Variants in GATA5 observed in about 807,000 individuals in gnomAD.
The protein encoded by GATA5 is GATA binding protein 5, also known as transcription factor GATA-5.
GATA5 carries 27 observed loss-of-function variants against 35.0 expected under a neutral mutation model. The ratio of observed to expected loss-of-function variants is 0.77; its 90% confidence interval spans 0.57 to 1.06. GATA5 has a LOEUF of 1.06. Among genes scored for constraint, GATA5 ranks in the 50% least tolerant of loss-of-function variants. GATA5 has a pLI of 0.00. For missense variants in GATA5, 612 were observed against 580.0 expected (o/e 1.06, Z -0.57); for synonymous variants, 306 against 267.8 (o/e 1.14, Z -1.39).
At position 62,470,461 on chromosome 20, in the gene GATA5, A is replaced by G. The variant is rs1408358941; in HGVS notation, c.699+2942T>C. On this transcript the variant is annotated intron_variant, in intron 3 of 6. Transcript: ENST00000252997. The surrounding 1 kb of genome is among the most constrained non-coding windows in gnomAD (Gnocchi z 4.6). ...TCCCCTCCTGGAGGGGGGATGTAGTAAGCACTTGATACAGTGCCCATGCCC... is the reference window on the plus strand; with the variant it reads ...TCCCCTCCTGGAGGGGGGATGTAGTGAGCACTTGATACAGTGCCCATGCCC... Among the ~76,000 whole-genome samples the G allele has an allele frequency of 6.6e-6, 1 of 152,154 alleles. No homozygotes were observed. The highest frequency in any genetic ancestry group is 6.5e-5 in the Admixed American group (1 of 15,294).
At position 62,470,666 on chromosome 20, in the gene GATA5, G is replaced by C. The variant is rs1989699212; in HGVS notation, c.699+2737C>G. Among the ~76,000 whole-genome samples the C allele has an allele frequency of 6.6e-6, 1 of 152,166 alleles. No individual in the cohort carries two copies. Among genetic ancestry groups the C allele is most frequent in the Non-Finnish European group, 1.5e-5 (1 of 68,026 alleles). ...GCTACTTCCTGGAGCTGGTGCCAGA[G>C]GTGGCTCAGGGCTAGGAGGTCTGCT... On this transcript the variant is annotated intron_variant, in intron 3 of 6. Transcript: ENST00000252997. The surrounding 1 kb of genome is among the most constrained non-coding windows in gnomAD (Gnocchi z 4.6).
Position 62,475,209 on chromosome 20 carries a change from C to T in GATA5, c.313G>A (p.Gly105Ser). The change falls in exon 2 of 7, where the codon GGC becomes AGC. Residue 105 changes from glycine (G) to serine (S), a missense_variant. Gly to Ser is a moderately conservative substitution (Grantham distance 56, BLOSUM62 0). Coordinates refer to ENST00000252997, the MANE Select transcript of GATA5 (RefSeq NM_080473.5). ...CCGTCTCGGCCCCCCGCGCTGCCGC[C>T]GCTGCCGGGCCCCGAGGGGCTGTGC... ...FAHSPSGPGS[G>S]GSAGGRDGSA... 1 of 1,253,482 alleles carries T rather than the reference C, an allele frequency of 8.0e-7. No individual in the cohort carries two copies. Among genetic ancestry groups the T allele is most frequent in the Non-Finnish European group, 1.0e-6 (1 of 997,710 alleles). 77.6% of individuals were successfully genotyped at this position (1,253,482 alleles called of 1,614,324 possible). A position where few individuals can be genotyped will look rare whatever the true frequency, so the allele number is the denominator to read the frequency against.
In GATA5 at chr20:62,464,061, C is replaced by T. The variant is rs1237261005; in HGVS notation, c.*775G>A. 1.3e-5 allele frequency: 2 copies of T among 152,400 alleles called. No homozygotes were observed. The highest frequency in any genetic ancestry group is 3.9e-4 in the East Asian group (2 of 5,190). 9.4% of individuals were successfully genotyped at this position (152,400 alleles called of 1,614,324 possible). A position where few individuals can be genotyped will look rare whatever the true frequency, so the allele number is the denominator to read the frequency against. On this transcript the variant is annotated 3_prime_UTR_variant, in exon 7 of 7. Transcript: ENST00000252997. ...GTGACCACGTCACCACCAGCCCCAACAGCGCTTGGATGGGTCAGGACAGGG... is the reference window on the plus strand; with the variant it reads ...GTGACCACGTCACCACCAGCCCCAATAGCGCTTGGATGGGTCAGGACAGGG...
rs527597541 is a variant in GATA5 at position 62,473,590 on chromosome 20, G to C, written c.524-12C>G. The C allele has an allele frequency of 4.4e-6, 7 of 1,574,194 alleles. No individual in the cohort carries two copies. The East Asian group carries it at 1.4e-4, about 31-fold the overall frequency. ...CAAGAAGTCGGACACTGAGGGGACA[G>C]GCAGCTGGTGGGCCCGGGCCCTCCC... On this transcript the variant is annotated splice_polypyrimidine_tract_variant and intron_variant, in intron 2 of 6. Coordinates refer to ENST00000252997, the MANE Select transcript of GATA5 (RefSeq NM_080473.5).
intron 5 of GATA5, 72 bp downstream of exon 5, chr20:62,465,762 C>G: frequency 1.7e-6 from 2 of 1,191,224 alleles, no homozygotes; most frequent in Non-Finnish European, 2.4e-6. Context: ...ACACAGGTCT[C>G]TCATGACGGA....
chr20:62,474,949 C>T (rs1989815358), intron 2 of GATA5, 50 bp downstream of exon 2: 11 of 1,263,542 alleles, frequency 8.7e-6, no homozygotes, highest in East Asian at 3.2e-5. Context: ...GGGTTTGCAC[C>T]CGGATTCGGC....
intron 2 of GATA5, among the ~76,000 whole-genome samples, 162 bp from the exon 3 acceptor site, chr20:62,473,740 T>G (rs1366246218): frequency 1.3e-5 from 2 of 152,230 alleles, no homozygotes; most frequent in Non-Finnish European, 2.9e-5. Flanking sequence ...ATTTTAAAAT[T>G]TATTTGCTTA....
chr20:62,475,658 C>T, intron 1 of GATA5, 116 bp from the exon 2 acceptor site: 5 of 666,900 alleles, frequency 7.5e-6, no homozygotes, highest in Non-Finnish European at 1.1e-5. Context: ...GTCCCCAGCC[C>T]GGGACGTTCG....
chr20:62,469,710 A>T (rs1158353114), intron 3 of GATA5, among the ~76,000 whole-genome samples: 1 of 152,224 alleles, frequency 6.6e-6, no homozygotes, highest in Non-Finnish European at 1.5e-5. Flanking sequence ...TGTCTATCAA[A>T]TTAAGACAAT....
Position 62,470,303 on chromosome 20 carries a change from T to C in GATA5, c.699+3100A>G, listed in dbSNP as rs536735054. 2.1e-3 allele frequency among the ~76,000 whole-genome samples: 323 copies of C among 152,220 alleles called. 3 individuals are homozygous for C. Among genetic ancestry groups the C allele is most frequent in the Non-Finnish European group, 5.6e-4 (38 of 67,996 alleles). On this transcript the variant is annotated intron_variant, in intron 3 of 6. Coordinates refer to ENST00000252997, the MANE Select transcript of GATA5 (RefSeq NM_080473.5). The surrounding 1 kb of genome is among the most constrained non-coding windows in gnomAD (Gnocchi z 4.6). ...AAACACTTTGGAGTAAAGGTGCAGG[T>C]CACAGTGACCCGCAGTGCAGCAGCC...
At position 62,464,915 on chromosome 20, in the gene GATA5, G is replaced by A. The variant is rs1402045595; in HGVS notation, c.1115C>T (p.Pro372Leu). The change falls in exon 7 of 7, where the codon CCC becomes CTC. Residue 372 changes from proline (P) to leucine (L), a missense_variant. Coordinates refer to ENST00000252997, the MANE Select transcript of GATA5 (RefSeq NM_080473.5). ...FKFEPEDFAF[P>L]STAPSPQAGL... is the part of the protein sequence containing the mutation. ...AGCCTGGGGGCTTGGGGCCGTGGAGGGGAAGGCAAAGTCCTCAGGCTCGAA... is the reference window on the plus strand; with the variant it reads ...AGCCTGGGGGCTTGGGGCCGTGGAGAGGAAGGCAAAGTCCTCAGGCTCGAA... 3 of 1,611,618 alleles carry A rather than the reference G, an allele frequency of 1.9e-6. No individual in the cohort carries two copies. Among genetic ancestry groups the A allele is most frequent in the African/African-American group, 2.7e-5 (2 of 74,910 alleles).
chr20:62,466,414 G>T lies in GATA5; in HGVS notation c.825+12C>A. The T allele has an allele frequency of 6.3e-7, 1 of 1,576,500 alleles. No homozygotes were observed. ...AGAGGCCTCCCCGCCCTGCCCCGGG[G>T]ACCACACTCACCCCGTGCAGCTTCA... On this transcript the variant is annotated intron_variant, in intron 4 of 6. Coordinates refer to ENST00000252997, the MANE Select transcript of GATA5 (RefSeq NM_080473.5).
In GATA5 at chr20:62,470,305, A is replaced by T. The variant is rs1989692071; in HGVS notation, c.699+3098T>A. On this transcript the variant is annotated intron_variant, in intron 3 of 6. Coordinates refer to ENST00000252997, the MANE Select transcript of GATA5 (RefSeq NM_080473.5). The surrounding 1 kb of genome is among the most constrained non-coding windows in gnomAD (Gnocchi z 4.6). The stretch of plus-strand genomic sequence containing the variant: ...ACACTTTGGAGTAAAGGTGCAGGTC[A>T]CAGTGACCCGCAGTGCAGCAGCCTC... Among the ~76,000 whole-genome samples, 1 of 152,230 alleles carries T rather than the reference A, an allele frequency of 6.6e-6. No homozygotes were observed. Among genetic ancestry groups the T allele is most frequent in the Non-Finnish European group, 1.5e-5 (1 of 68,028 alleles).
chr20:62,474,950 CG>C, intron 2 of GATA5, 48 bp downstream of exon 2: 1 of 1,264,206 alleles, frequency 7.9e-7, no homozygotes, highest in Non-Finnish European at 1.0e-6. Context: ...GGTTTGCACC[CG>C]GATTCGGCCG....
At chr20:62,471,432 A>ATTTTTTTTTTGTTTTTTT (rs1989717880) in intron 3 of GATA5, among the ~76,000 whole-genome samples, 1 of 81,746 alleles carries the variant, frequency 1.2e-5, no homozygotes, top group Non-Finnish European at 2.4e-5. Flanking sequence ...TTCAATTACA[A>ATTTTTTTTTTGTTTTTTT]TTTTTTTTTT....
At chr20:62,471,164 C>T (rs144393465) in intron 3 of GATA5, among the ~76,000 whole-genome samples, 34 of 152,168 alleles carry the variant, frequency 2.2e-4, no homozygotes, top group Non-Finnish European at 2.9e-4. Flanking sequence ...CTGGAAGACC[C>T]AGGGCAGGGC....
intron 3 of GATA5, among the ~76,000 whole-genome samples, chr20:62,468,046 G>A (rs1227847428): frequency 1.4e-5 from 2 of 142,326 alleles, no homozygotes; most frequent in Non-Finnish European, 3.0e-5. Context: ...AGCCCTCTAT[G>A]AGCAGACACA....
chr20:62,467,521 G>C (rs550708426), intron 3 of GATA5, among the ~76,000 whole-genome samples: 1 of 152,314 alleles, frequency 6.6e-6, no homozygotes, highest in Admixed American at 6.5e-5. Flanking sequence ...TGGTTCTCCT[G>C]GGGGGCTGCT....
chr20:62,466,645 C>T (rs1391668384), intron 3 of GATA5, 94 bp from the exon 4 acceptor site: 58 of 1,411,916 alleles, frequency 4.1e-5, no homozygotes, highest in Middle Eastern at 4.3e-4. Context: ...CTTGCGGCCA[C>T]GCAGGACCCG....
Sources: allele counts gnomAD v4.1 joint callset (sites outside exome capture counted in the v4.1 genomes callset), GRCh38; gene constraint gnomAD v4.1.1; non-coding constraint Gnocchi (gnomAD v3.1); transcripts MANE v1.5; gene names NCBI Gene and HGNC (gene_info 2026-07-23, HGNC 2026-07-21).